The following FHIT variants were observed in gnomAD, a reference collection of about 807,000 sequenced individuals.
The protein encoded by FHIT is bis(5'-adenosyl)-triphosphatase.
In FHIT, 19 loss-of-function variants were observed where a neutral mutation model predicts 17.9. That is an observed-to-expected ratio of 1.06 (90% confidence interval 0.74 to 1.56). The LOEUF is 1.56. Among genes scored for constraint, FHIT ranks in the 40% most tolerant of loss-of-function variants. The pLI, the probability that FHIT is intolerant of heterozygous loss-of-function variation, is 0.00. For missense variants in FHIT, 248 were observed against 189.2 expected (o/e 1.31, Z -1.82); for synonymous variants, 81 against 69.7 (o/e 1.16, Z -0.81).
chr3:60,704,778 T>C (rs1356799993), intron 4 of FHIT, among the ~76,000 whole-genome samples: 4 of 152,198 alleles, frequency 2.6e-5, no homozygotes, highest in Admixed American at 2.6e-4. Context: ...TTAATCATTA[T>C]AGCTGCTTCC....
At chr3:60,550,514 C>G (rs778300165) in intron 4 of FHIT, among the ~76,000 whole-genome samples, 4 of 151,936 alleles carry the variant, frequency 2.6e-5, no homozygotes, top group Admixed American at 6.6e-5. Flanking sequence ...AAATCCAAAA[C>G]CTCAGCTATT....
chr3:61,045,158 A>C lies in FHIT; in HGVS notation c.-163-3059T>G, dbSNP rs1466101678. Among the ~76,000 whole-genome samples, 4 of 152,236 alleles carry C rather than the reference A, an allele frequency of 2.6e-5. No individual in the cohort carries two copies. In the East Asian group the frequency reaches 5.8e-4, roughly 22 times the overall value. ...TATTAACCTTAAATGTAAATGGGCT[A>C]AATGCTCCAATTAAAAGACACAGAC... On this transcript the variant is annotated intron_variant, in intron 2 of 9. Coordinates refer to ENST00000492590, the MANE Select transcript of FHIT (RefSeq NM_002012.4).
chr3:61,210,634 CG>C (rs1000803718), intron 1 of FHIT, among the ~76,000 whole-genome samples: 3 of 152,210 alleles, frequency 2.0e-5, no homozygotes, highest in Non-Finnish European at 4.4e-5. Flanking sequence ...CCTGGTGTGC[CG>C]TTTGTTAATC....
chr3:60,260,620 G>A (rs1227287850), intron 5 of FHIT, among the ~76,000 whole-genome samples: 1 of 151,900 alleles, frequency 6.6e-6, no homozygotes, highest in African/African-American at 2.4e-5. Flanking sequence ...TCTTGTATCT[G>A]TCAGAGGTGT....
intron 3 of FHIT, among the ~76,000 whole-genome samples, chr3:60,861,476 C>G (rs1259837214): frequency 1.3e-5 from 2 of 151,026 alleles, no homozygotes; most frequent in African/African-American, 4.9e-5. Flanking sequence ...AGTAACCTCT[C>G]CAGTAGCCAT....
At chr3:60,758,000 C>A (rs1553718751) in intron 4 of FHIT, among the ~76,000 whole-genome samples, 1 of 152,154 alleles carries the variant, frequency 6.6e-6, no homozygotes, top group Admixed American at 6.5e-5. Flanking sequence ...CGGCCCAGGG[C>A]TCTCTAGCTT....
chr3:60,843,115 A>C (rs1450443993), intron 3 of FHIT, among the ~76,000 whole-genome samples: 1 of 152,174 alleles, frequency 6.6e-6, no homozygotes, highest in African/African-American at 2.4e-5. Context: ...TACAGTTTAA[A>C]ATTCACGTAG....
intron 4 of FHIT, among the ~76,000 whole-genome samples, chr3:60,680,475 C>A (rs949889655): frequency 2.0e-5 from 3 of 151,764 alleles, no homozygotes; most frequent in Admixed American, 6.6e-5. Context: ...TCTGCAAATA[C>A]AGGCATAACC....
intron 5 of FHIT, among the ~76,000 whole-genome samples, chr3:60,181,136 A>T (rs1374447234): frequency 7.4e-6 from 1 of 134,652 alleles, no homozygotes; most frequent in East Asian, 2.5e-4. Flanking sequence ...CAGATTACAA[A>T]TTTTTTTAAT....
At chr3:61,120,504 G>C (rs903820835) in intron 2 of FHIT, among the ~76,000 whole-genome samples, 1 of 152,132 alleles carries the variant, frequency 6.6e-6, no homozygotes, top group Non-Finnish European at 1.5e-5. Context: ...TCACAGGTTG[G>C]AGTGTACATC....
At chr3:60,417,136 A>T (rs1702281284) in intron 5 of FHIT, among the ~76,000 whole-genome samples, 1 of 152,096 alleles carries the variant, frequency 6.6e-6, no homozygotes, top group African/African-American at 2.4e-5. Flanking sequence ...TTAGATCATC[A>T]ATAGAGAAAT....
At chr3:59,840,657 C>T (rs1228160338) in intron 8 of FHIT, among the ~76,000 whole-genome samples, 1 of 152,138 alleles carries the variant, frequency 6.6e-6, no homozygotes, top group Non-Finnish European at 1.5e-5. Context: ...AAAATGCAGA[C>T]ACCTATGCTG....
intron 3 of FHIT, among the ~76,000 whole-genome samples, chr3:60,962,532 G>GT (rs1709508006): frequency 6.6e-6 from 1 of 152,266 alleles, no homozygotes; most frequent in South Asian, 2.1e-4. Context: ...AATGCTTCCA[G>GT]TTTTGCCAAT....
intron 5 of FHIT, among the ~76,000 whole-genome samples, chr3:60,481,788 T>C (rs535282022): frequency 1.3e-5 from 2 of 152,216 alleles, no homozygotes; most frequent in East Asian, 1.9e-4. Flanking sequence ...AATAACTAGA[T>C]AGCATCATCA....
intron 3 of FHIT, among the ~76,000 whole-genome samples, chr3:60,994,014 C>T (rs1372719820): frequency 6.6e-6 from 1 of 152,080 alleles, no homozygotes; most frequent in East Asian, 1.9e-4. Context: ...CAGAGATTTA[C>T]TACCAAAAGA....
chr3:60,551,337 T>A (rs987230858), intron 4 of FHIT, among the ~76,000 whole-genome samples: 1 of 147,164 alleles, frequency 6.8e-6, no homozygotes, highest in East Asian at 2.1e-4. Flanking sequence ...ACATTAAAAA[T>A]CATCTCAGGA....
intron 4 of FHIT, among the ~76,000 whole-genome samples, chr3:60,803,912 G>C (rs1344953878): frequency 6.6e-6 from 1 of 152,070 alleles, no homozygotes; most frequent in Non-Finnish European, 1.5e-5. Flanking sequence ...TTAAAAACTT[G>C]CTTTTATTTA....
intron 1 of FHIT, among the ~76,000 whole-genome samples, chr3:61,212,596 G>A (rs1677561435): frequency 6.6e-6 from 1 of 152,174 alleles, no homozygotes; most frequent in Admixed American, 6.5e-5. Flanking sequence ...TTATCCAGGA[G>A]AACTTCCCCA....
At chr3:60,674,446 A>T (rs1716714) in intron 4 of FHIT, among the ~76,000 whole-genome samples, 1 of 152,132 alleles carries the variant, frequency 6.6e-6, no homozygotes, top group Non-Finnish European at 1.5e-5. Flanking sequence ...CTCTTCACAC[A>T]TCCAGTAATT....
Sources: allele counts gnomAD v4.1 joint callset (sites outside exome capture counted in the v4.1 genomes callset), GRCh38; gene constraint gnomAD v4.1.1; transcripts MANE v1.5; gene names NCBI Gene and HGNC (gene_info 2026-07-23, HGNC 2026-07-21).